ADAM22: variants seen among roughly 807,000 people sequenced by gnomAD.
ADAM22 encodes the protein ADAM metallopeptidase domain 22, also known as disintegrin and metalloproteinase domain-containing protein 22.
In ADAM22, 65 loss-of-function variants were observed where a neutral mutation model predicts 144.6. The ratio of observed to expected loss-of-function variants is 0.45; its 90% CI spans 0.37 to 0.55. ADAM22 has a LOEUF of 0.55. Among genes scored for constraint, ADAM22 ranks in the 20% least tolerant of loss-of-function variants. ADAM22 has a pLI of 0.00. For synonymous variants in ADAM22, 391 were observed against 412.6 expected (o/e 0.95, Z 0.63); for missense variants, 974 against 1,184.9 (o/e 0.82, Z 2.61).
chr7:88,148,849 C>G, intron 17 of ADAM22, 128 bp from the exon 18 acceptor site: 1 of 650,024 alleles, frequency 1.5e-6, no homozygotes, highest in Non-Finnish European at 2.6e-6. Context: ...GTGGTTTTGA[C>G]AGATTACCAT....
At position 88,061,208 on chromosome 7, in the gene ADAM22, G is replaced by A. The variant is rs545327441; in HGVS notation, c.324-14418G>A. 7.2e-5 allele frequency among the ~76,000 whole-genome samples: 11 copies of A among 152,070 alleles called. 2 individuals are homozygous for A. The South Asian group carries it at 1.7e-3, about 23-fold the overall frequency. On this transcript the variant is annotated intron_variant, in intron 3 of 31. Transcript: ENST00000413139. ...ATTCTAGTTATCTTGCTATTTCTAC[G>A]ACATCTGCAGGACTTCCTCCACTGA...
chr7:88,121,722 A>G (rs1014625551), intron 7 of ADAM22, among the ~76,000 whole-genome samples: 7 of 152,124 alleles, frequency 4.6e-5, no homozygotes, highest in Admixed American at 1.3e-4. Flanking sequence ...GAGAAGAGAG[A>G]ATGAGACAGT....
intron 2 of ADAM22, among the ~76,000 whole-genome samples, chr7:87,956,501 A>T (rs1846793830): frequency 6.6e-6 from 1 of 152,204 alleles, no homozygotes. Context: ...ATGGTATACG[A>T]TTGAGTTTTT....
In ADAM22 at chr7:87,982,691, ATATATATAAT is replaced by A. The variant is rs1562916648; in HGVS notation, c.323+4281_323+4290del. 1.5e-3 allele frequency among the ~76,000 whole-genome samples: 107 copies of A among 71,588 alleles called. 8 individuals carry two copies. Among genetic ancestry groups the A allele is most frequent in the African/African-American group, 7.0e-3 (92 of 13,090 alleles). The allele number at this position is 71,588 out of a possible 152,430, so 47.0% of individuals were successfully genotyped here. ...ATTACATATATATATATATATATAT[ATATATATAAT>A]TTTTTTTTTTGAGATACAGTTTTGC... On this transcript the variant is annotated intron_variant, in intron 3 of 31. Coordinates refer to ENST00000413139, the MANE Select transcript of ADAM22 (RefSeq NM_001324418.2).
intron 7 of ADAM22, among the ~76,000 whole-genome samples, chr7:88,117,307 G>A (rs760256379): frequency 6.6e-6 from 1 of 152,202 alleles, no homozygotes; most frequent in Non-Finnish European, 1.5e-5. Flanking sequence ...TTAATTTTAA[G>A]AGTGTTTGTC....
At chr7:88,031,159 T>C (rs1239223090) in intron 3 of ADAM22, among the ~76,000 whole-genome samples, 1 of 151,998 alleles carries the variant, frequency 6.6e-6, no homozygotes, top group African/African-American at 2.4e-5. Flanking sequence ...TTCTTTTCTG[T>C]ATAAATTACC....
intron 5 of ADAM22, among the ~76,000 whole-genome samples, chr7:88,111,496 G>A (rs1482724908): frequency 1.3e-5 from 2 of 152,092 alleles, no homozygotes; most frequent in East Asian, 3.9e-4. Context: ...GGACTAATAG[G>A]CAATGTTTTG....
intron 10 of ADAM22, 81 bp downstream of exon 10, chr7:88,130,540 T>A: frequency 7.2e-7 from 1 of 1,391,592 alleles, no homozygotes; most frequent in East Asian, 2.3e-5. Context: ...ATGATTCTTA[T>A]AGTTTTACTG....
intron 3 of ADAM22, among the ~76,000 whole-genome samples, chr7:88,032,054 G>A (rs560570911): frequency 6.6e-6 from 1 of 152,342 alleles, no homozygotes; most frequent in South Asian, 2.1e-4. Flanking sequence ...GAGCCCTCAG[G>A]GAGAACCTCT....
chr7:88,113,697 T>TAAAA (rs1491128185), intron 5 of ADAM22, among the ~76,000 whole-genome samples: 1 of 64,312 alleles, frequency 1.6e-5, no homozygotes, highest in Non-Finnish European at 2.7e-5. Flanking sequence ...TATAAATAAA[T>TAAAA]AAATAAATAT....
chr7:88,118,617 G>C (rs886358024), intron 7 of ADAM22, among the ~76,000 whole-genome samples: 1 of 149,888 alleles, frequency 6.7e-6, no homozygotes, highest in African/African-American at 2.4e-5. Context: ...TTGACTGTAG[G>C]CTTGCTAGGA....
At chr7:87,971,481 C>T (rs925902367) in intron 2 of ADAM22, among the ~76,000 whole-genome samples, 2 of 152,126 alleles carry the variant, frequency 1.3e-5, no homozygotes, top group African/African-American at 2.4e-5. Flanking sequence ...ATTATGTGAC[C>T]TCTAGGAATC....
In ADAM22 at chr7:88,171,722, G is replaced by T. The variant is rs1340758586; in HGVS notation, c.2300+161G>T. Reference sequence around the variant, plus strand: ...TTATCTTGAGGTAATTTTAATGATGGTGCTGTGAAATATAGCAATTTAAAA... The same window carrying T: ...TTATCTTGAGGTAATTTTAATGATGTTGCTGTGAAATATAGCAATTTAAAA... On this transcript the variant is annotated intron_variant, in intron 26 of 31. Transcript: ENST00000413139. 2.6e-5 allele frequency among the ~76,000 whole-genome samples: 4 copies of T among 151,810 alleles called. No homozygotes were observed. In the East Asian group the frequency reaches 7.7e-4, roughly 29 times the overall value.
At chr7:88,113,711 T>TATAC (rs1335465893) in intron 5 of ADAM22, among the ~76,000 whole-genome samples, 4 of 84,300 alleles carry the variant, frequency 4.7e-5, no homozygotes, top group Admixed American at 1.3e-4. Flanking sequence ...TAAATATATA[T>TATAC]ATATATATAT....
At chr7:88,009,277 A>G (rs537719735) in intron 3 of ADAM22, among the ~76,000 whole-genome samples, 11 of 152,224 alleles carry the variant, frequency 7.2e-5, no homozygotes, top group Non-Finnish European at 1.3e-4. Flanking sequence ...TTCACAAGTC[A>G]GTCAGAAATT....
rs17150309 is a variant in ADAM22 at position 88,167,154 on chromosome 7, A to G, written c.2192-983A>G. On this transcript the variant is annotated intron_variant, in intron 24 of 31. Coordinates refer to ENST00000413139, the MANE Select transcript of ADAM22 (RefSeq NM_001324418.2). ...GCCCATGACTCCTGACCTCTGATGT[A>G]TAAAAGGATGCCTCAGGAGTGGAGC... 8.3e-3 allele frequency among the ~76,000 whole-genome samples: 1,261 copies of G among 152,276 alleles called. 21 individuals are homozygous for G. Among genetic ancestry groups the G allele is most frequent in the African/African-American group, 0.029 (1,213 of 41,570 alleles).
chr7:87,994,948 C>T (rs1420395807), intron 3 of ADAM22, among the ~76,000 whole-genome samples: 3 of 152,168 alleles, frequency 2.0e-5, no homozygotes, highest in Admixed American at 6.5e-5. Context: ...CTGCCTCAGC[C>T]TCCTAAGTAG....
intron 2 of ADAM22, among the ~76,000 whole-genome samples, chr7:87,970,261 T>C (rs1191874449): frequency 6.6e-6 from 1 of 151,956 alleles, no homozygotes; most frequent in Admixed American, 6.6e-5. Context: ...ATATATGTAT[T>C]TATTAAACTG....
intron 4 of ADAM22, among the ~76,000 whole-genome samples, chr7:88,080,554 A>G (rs1202268310): frequency 6.6e-6 from 1 of 152,218 alleles, no homozygotes; most frequent in Admixed American, 6.5e-5. Flanking sequence ...CAATGAATCC[A>G]GGAGCTGGTT....
Sources: allele counts gnomAD v4.1 joint callset (sites outside exome capture counted in the v4.1 genomes callset), GRCh38; gene constraint gnomAD v4.1.1; transcripts MANE v1.5; gene names NCBI Gene and HGNC (gene_info 2026-07-23, HGNC 2026-07-21).